ZNF282: variants seen among roughly 807,000 people sequenced by gnomAD.
The protein encoded by ZNF282 is HTLV-I U5 repressive element-binding protein 1.
Under a neutral mutation model 61.9 loss-of-function variants are expected in ZNF282, and 30 were observed. The observed-to-expected ratio is 0.48, with a 90% CI of 0.36 to 0.66. ZNF282 has a LOEUF of 0.66. ZNF282 is among the 30% of genes least tolerant of loss of function. The probability of loss-of-function intolerance (pLI) is 0.00; values close to 1 mark genes in which losing one functional copy is unlikely to be tolerated. For missense variants in ZNF282, 788 were observed against 941.4 expected, an observed-to-expected ratio of 0.84 and a Z score of 2.13; for synonymous variants, 396 against 405.0, an observed-to-expected ratio of 0.98 and a Z score of 0.27.
At chr7:149,200,384 G>T (rs1795888700) in intron 2 of ZNF282, among the ~76,000 whole-genome samples, 1 of 152,018 alleles carries the variant, frequency 6.6e-6, no homozygotes, top group African/African-American at 2.4e-5. Flanking sequence ...CACTCTCTCC[G>T]TGAAACCCCT....
chr7:149,210,484 G>GA, intron 4 of ZNF282, 101 bp from the exon 5 acceptor site: 1 of 1,553,158 alleles, frequency 6.4e-7, no homozygotes, highest in Non-Finnish European at 8.7e-7. Context: ...CCAGCATGCA[G>GA]AAAAAAAGAC....
At chr7:149,199,923 C>G (rs1795883206) in intron 2 of ZNF282, among the ~76,000 whole-genome samples, 1 of 151,864 alleles carries the variant, frequency 6.6e-6, no homozygotes, top group Non-Finnish European at 1.5e-5. Context: ...ATGTTATTAC[C>G]ACCACCACCA....
At chr7:149,201,060 T>C (rs1010772073) in intron 2 of ZNF282, among the ~76,000 whole-genome samples, 1 of 152,236 alleles carries the variant, frequency 6.6e-6, no homozygotes, top group Non-Finnish European at 1.5e-5. Flanking sequence ...AGATTTAACA[T>C]GTCCAAAGTG....
At chr7:149,217,706 A>G (rs975625545) in intron 7 of ZNF282, among the ~76,000 whole-genome samples, 3 of 152,304 alleles carry the variant, frequency 2.0e-5, no homozygotes, top group African/African-American at 4.8e-5. Context: ...GAGTGTGGAC[A>G]TGAGGCAGAG....
Position 149,224,003 on chromosome 7 carries a change from G to A in ZNF282, c.1372G>A (p.Glu458Lys), listed in dbSNP as rs1274755982. Residue 458 changes from glutamate (E) to lysine (K), a missense_variant, in exon 8 of 8, where the codon GAG becomes AAG. Physicochemically the swap from Glu to Lys is moderately conservative, Grantham distance 56. Coordinates refer to ENST00000610704, the MANE Select transcript of ZNF282 (RefSeq NM_003575.4). ...CGACGGTTTCCAGGTGCTGCCCGGGGAGCGTGGCTCCGGCGAGGCGCCGCC... is the reference window on the plus strand; with the variant it reads ...CGACGGTTTCCAGGTGCTGCCCGGGAAGCGTGGCTCCGGCGAGGCGCCGCC... ...LDDGFQVLPG[E>K]RGSGEAPPGG... The A allele has an allele frequency of 4.0e-6, 5 of 1,240,718 alleles. No homozygotes were observed. The highest frequency in any genetic ancestry group is 5.0e-6 in the Non-Finnish European group (5 of 991,912). 76.9% of individuals were successfully genotyped at this position (1,240,718 alleles called of 1,614,324 possible). A position where few individuals can be genotyped will look rare whatever the true frequency, so the allele number is the denominator to read the frequency against.
intron 4 of ZNF282, 48 bp downstream of exon 4, chr7:149,207,518 G>C: frequency 6.4e-7 from 1 of 1,550,744 alleles, no homozygotes; most frequent in South Asian, 1.2e-5. Flanking sequence ...GGCGAGAGAG[G>C]ACAGCCGGCT....
At chr7:149,199,904 A>T (rs941330759) in intron 2 of ZNF282, among the ~76,000 whole-genome samples, 4 of 151,982 alleles carry the variant, frequency 2.6e-5, no homozygotes, top group East Asian at 3.9e-4. Flanking sequence ...TTTTTAAGTG[A>T]TAATCTCAAT....
chr7:149,215,448 C>G lies in ZNF282; in HGVS notation c.1180+1634C>G, dbSNP rs567905257. Among the ~76,000 whole-genome samples the G allele has an allele frequency of 2.3e-3, 344 of 152,186 alleles. 1 individual carries two copies. Among genetic ancestry groups the G allele is most frequent in the Non-Finnish European group, 3.7e-3 (250 of 68,020 alleles). On this transcript the variant is annotated intron_variant, in intron 7 of 7. Coordinates refer to ENST00000610704, the MANE Select transcript of ZNF282 (RefSeq NM_003575.4). Reference sequence around the variant, plus strand: ...GAACTCCTGACCTCAGGTGATCTGCCCACCTTGGCCTCTCAAAGTGCTGGG... The same window carrying G: ...GAACTCCTGACCTCAGGTGATCTGCGCACCTTGGCCTCTCAAAGTGCTGGG...
At chr7:149,223,498 GTTGT>G (rs1320496549) in intron 7 of ZNF282, among the ~76,000 whole-genome samples, 1 of 152,162 alleles carries the variant, frequency 6.6e-6, no homozygotes, top group East Asian at 1.9e-4. Context: ...AGTAAGTCTT[GTTGT>G]TTCTGGGAAA....
In ZNF282 at chr7:149,207,392, G is replaced by C; in HGVS notation, c.754G>C (p.Ala252Pro). ...SVPKPDAPVQAEPREEPCVWE... is the reference protein window; with the variant it reads ...SVPKPDAPVQPEPREEPCVWE... ...CCCCAAGCCAGATGCTCCAGTCCAG[G>C]CTGAGCCCAGGGAAGAACCTTGTGT... Residue 252 changes from alanine to proline, a missense_variant, in exon 4 of 8, where the codon GCT becomes CCT. This residue lies in a region of ZNF282 where 559 missense variants were observed against 642.0 expected (regional missense o/e 0.87). Coordinates refer to ENST00000610704, the MANE Select transcript of ZNF282 (RefSeq NM_003575.4). 1 of 1,581,622 alleles carries C rather than the reference G, an allele frequency of 6.3e-7. No homozygotes were observed. The highest frequency in any genetic ancestry group is 8.6e-7 in the Non-Finnish European group (1 of 1,162,136).
intron 1 of ZNF282, among the ~76,000 whole-genome samples, chr7:149,196,131 T>C (rs1199128530): frequency 6.6e-6 from 1 of 152,068 alleles, no homozygotes; most frequent in Non-Finnish European, 1.5e-5. Context: ...CGGGCAGTGC[T>C]TCCGCCCGGC....
At chr7:149,206,628 C>T (rs749530478) in intron 2 of ZNF282, 68 bp from the exon 3 acceptor site, 175 of 1,604,250 alleles carry the variant, frequency 1.1e-4, no homozygotes, top group African/African-American at 2.8e-4. Flanking sequence ...TCTTGTGGCC[C>T]GCAGGAGAAG....
chr7:149,197,736 G>A (rs2129522964), intron 1 of ZNF282, among the ~76,000 whole-genome samples: 1 of 152,340 alleles, frequency 6.6e-6, no homozygotes, highest in African/African-American at 2.4e-5. Flanking sequence ...GCCTCCCAAA[G>A]TGCTGGGAAG....
At chr7:149,212,238 T>C in intron 5 of ZNF282, 120 bp from the exon 6 acceptor site, 1 of 658,234 alleles carries the variant, frequency 1.5e-6, no homozygotes, top group Admixed American at 3.2e-5. Flanking sequence ...ACTTATGTAA[T>C]TGTACCTGAT....
intron 2 of ZNF282, 186 bp from the exon 3 acceptor site, chr7:149,206,510 A>G: frequency 1.3e-6 from 1 of 778,330 alleles, no homozygotes; most frequent in Non-Finnish European, 2.1e-6. Flanking sequence ...CATCCGTGTT[A>G]TTGAAAGCAT....
At chr7:149,212,152 C>T (rs1796094057) in intron 5 of ZNF282, among the ~76,000 whole-genome samples, 1 of 152,140 alleles carries the variant, frequency 6.6e-6, no homozygotes, top group Non-Finnish European at 1.5e-5. Context: ...AATGTTACTC[C>T]CCTGCAGCAT....
chr7:149,220,288 T>G (rs1321999932), intron 7 of ZNF282, among the ~76,000 whole-genome samples: 1 of 151,230 alleles, frequency 6.6e-6, no homozygotes, highest in Admixed American at 6.6e-5. Context: ...GGTGGGCGCC[T>G]GTAGTCCCAG....
Position 149,198,071 on chromosome 7 carries a change from G to T in ZNF282, c.166-262G>T, listed in dbSNP as rs941740862. Among the ~76,000 whole-genome samples the T allele has an allele frequency of 1.1e-4, 17 of 152,230 alleles. No individual in the cohort carries two copies. The highest frequency in any genetic ancestry group is 4.1e-4 in the African/African-American group (17 of 41,454). On this transcript the variant is annotated intron_variant, in intron 1 of 7. Coordinates refer to ENST00000610704, the MANE Select transcript of ZNF282 (RefSeq NM_003575.4). This position sits in a 1 kb window ranked among gnomAD's most constrained non-coding sequence, Gnocchi z 4.3. The stretch of plus-strand genomic sequence containing the variant: ...GCCTGTGACATTTTAGGCAGGGGTT[G>T]CAGCCTTAACTTGCTAAGGGTCAAT...
intron 4 of ZNF282, among the ~76,000 whole-genome samples, chr7:149,209,706 A>G (rs925833137): frequency 3.3e-5 from 5 of 152,116 alleles, no homozygotes; most frequent in African/African-American, 1.2e-4. Context: ...GCAGGATCCC[A>G]GTCTTCAGAT....
Sources: gnomAD v4.1 joint callset for allele counts (sites outside exome capture counted in the v4.1 genomes callset) on GRCh38, gnomAD v4.1.1 for gene constraint, gnomAD v4.1.1 regional missense constraint, Gnocchi (gnomAD v3.1) non-coding constraint, MANE v1.5 for transcripts, NCBI Gene and HGNC (gene_info 2026-07-23, HGNC 2026-07-21) for gene names.